The following SAE1 variants were observed in gnomAD, a reference collection of about 807,000 sequenced individuals.
SAE1 encodes the protein SUMO-activating enzyme subunit 1.
A neutral mutation model predicts 40.6 loss-of-function variants in SAE1; 11 were observed. The ratio of observed to expected loss-of-function variants is 0.27; its 90% CI spans 0.17 to 0.45. SAE1 has a LOEUF of 0.45. SAE1 is among the 20% of genes least tolerant of loss of function. The pLI is 1.00. For synonymous variants in SAE1, 155 were observed against 154.3 expected (o/e 1.00, Z -0.03); for missense variants, 373 against 427.3 (o/e 0.87, Z 1.12).
rs974669530 is a variant in SAE1 at position 47,200,096 on chromosome 19, AATTTTTTTTGT to A, written c.878+2727_878+2737del. On this transcript the variant is annotated intron_variant, in intron 7 of 8. Transcript: ENST00000270225. ...CAGGCGCCCGCCACCACGCCCAGCT[AATTTTTTTTGT>A]ATTTTTTAGTAGAGATGTGGTTTCG... 7.5e-4 allele frequency among the ~76,000 whole-genome samples: 114 copies of A among 151,404 alleles called. 1 individual carries two copies. The East Asian group carries it at 0.018, about 24-fold the overall frequency.
chr19:47,162,760 G>A (rs1371352564), intron 5 of SAE1, among the ~76,000 whole-genome samples: 2 of 152,164 alleles, frequency 1.3e-5, no homozygotes, highest in Non-Finnish European at 2.9e-5. Context: ...GGAAGCCAAA[G>A]TGGGCACATC....
intron 1 of SAE1, among the ~76,000 whole-genome samples, chr19:47,136,143 GT>G (rs1013330094): frequency 6.6e-6 from 1 of 151,778 alleles, no homozygotes; most frequent in Non-Finnish European, 1.5e-5. Context: ...ATTTATTGCA[GT>G]TTTTTTTCTT....
Position 47,158,260 on chromosome 19 carries a change from G to A in SAE1, c.627+3047G>A, listed in dbSNP as rs535428640. Among the ~76,000 whole-genome samples, 9 of 152,262 alleles carry A rather than the reference G, an allele frequency of 5.9e-5. 1 individual carries two copies. The South Asian group carries it at 1.7e-3, about 28-fold the overall frequency. Reference sequence around the variant, plus strand: ...CGTTGAAAAACAAAAAGGAAAAACAGCCTGTGGTTTTCACACCCTCTAGGA... The same window carrying A: ...CGTTGAAAAACAAAAAGGAAAAACAACCTGTGGTTTTCACACCCTCTAGGA... On this transcript the variant is annotated intron_variant, in intron 5 of 8. Coordinates refer to ENST00000270225, the MANE Select transcript of SAE1 (RefSeq NM_005500.3).
intron 1 of SAE1, among the ~76,000 whole-genome samples, chr19:47,141,100 T>C (rs1444395063): frequency 6.6e-6 from 1 of 152,048 alleles, no homozygotes; most frequent in Non-Finnish European, 1.5e-5. Context: ...CTCCCAGGTT[T>C]GAGTGATTCT....
rs549746766 is a variant in SAE1, at chr19:47,203,176, G to C, written c.879-495G>C. On this transcript the variant is annotated intron_variant, in intron 7 of 8. Transcript: ENST00000270225. ...GCCCCATCCTGGCCCAGAAGGGCTG[G>C]TTTCTATGTGGGTTGTGAAGACTTT... Among the ~76,000 whole-genome samples the C allele has an allele frequency of 2.5e-4, 38 of 152,276 alleles. 1 individual carries two copies. In the South Asian group the frequency reaches 7.3e-3, roughly 29 times the overall value.
intron 3 of SAE1, among the ~76,000 whole-genome samples, chr19:47,151,189 G>A (rs149040274): frequency 9.3e-5 from 14 of 150,794 alleles, no homozygotes; most frequent in Non-Finnish European, 1.9e-4. Flanking sequence ...TGCTCTTGTC[G>A]CCCAGGCTGG....
intron 6 of SAE1, among the ~76,000 whole-genome samples, chr19:47,170,594 C>A (rs1225214272): frequency 7.0e-6 from 1 of 143,286 alleles, no homozygotes; most frequent in Non-Finnish European, 1.5e-5. Flanking sequence ...GTAGCCTCTA[C>A]TTCCTGGGCT....
chr19:47,195,032 G>A (rs1414348931), intron 6 of SAE1, among the ~76,000 whole-genome samples: 12 of 150,062 alleles, frequency 8.0e-5, no homozygotes, highest in Non-Finnish European at 1.8e-4. Context: ...CGTTACAGAC[G>A]TGAGCCACCA....
At chr19:47,192,072 AAG>A (rs931499181) in intron 6 of SAE1, among the ~76,000 whole-genome samples, 2 of 150,938 alleles carry the variant, frequency 1.3e-5, no homozygotes, top group Admixed American at 6.6e-5. Context: ...AAAAAGAAAA[AAG>A]AGAGAGAAAG....
intron 6 of SAE1, among the ~76,000 whole-genome samples, chr19:47,194,104 CTG>C (rs751590559): frequency 7.3e-4 from 111 of 152,260 alleles, no homozygotes; most frequent in Admixed American, 3.3e-4. Flanking sequence ...GCTTCTAAAA[CTG>C]TGTCCTCCTC....
At chr19:47,207,519 G>T (rs2058692476) in intron 8 of SAE1, among the ~76,000 whole-genome samples, 1 of 152,076 alleles carries the variant, frequency 6.6e-6, no homozygotes, top group African/African-American at 2.4e-5. Context: ...CTGGGTTAAG[G>T]ACCTGTTTGA....
intron 2 of SAE1, among the ~76,000 whole-genome samples, chr19:47,144,827 G>C (rs926872689): frequency 2.0e-5 from 3 of 152,126 alleles, no homozygotes; most frequent in Non-Finnish European, 4.4e-5. Context: ...CTGACATGCT[G>C]TTTGTTTGTT....
intron 6 of SAE1, among the ~76,000 whole-genome samples, chr19:47,182,501 GCACGCAC>G (rs2058515405): frequency 1.1e-4 from 16 of 148,288 alleles, no homozygotes; most frequent in Admixed American, 2.7e-4. Context: ...GTGTGTGCGC[GCACGCAC>G]GCGCGCGCGC....
At chr19:47,131,488 G>A (rs2058142439) in intron 1 of SAE1, among the ~76,000 whole-genome samples, 1 of 152,050 alleles carries the variant, frequency 6.6e-6, no homozygotes, top group Non-Finnish European at 1.5e-5. Context: ...TTACACTCTT[G>A]TGGGAGCTCA....
chr19:47,138,777 A>G (rs560218131), intron 1 of SAE1, among the ~76,000 whole-genome samples: 11 of 152,246 alleles, frequency 7.2e-5, no homozygotes, highest in Admixed American at 2.0e-4. Flanking sequence ...GAGCCAGGCA[A>G]TTGAGACTAG....
intron 7 of SAE1, among the ~76,000 whole-genome samples, chr19:47,201,702 C>T (rs553481917): frequency 1.6e-4 from 24 of 151,956 alleles, no homozygotes; most frequent in Non-Finnish European, 2.9e-5. Context: ...GGCACCATCT[C>T]GGCTCACTGC....
chr19:47,153,494 A>G (rs2058300532), intron 4 of SAE1, among the ~76,000 whole-genome samples: 1 of 152,108 alleles, frequency 6.6e-6, no homozygotes. Flanking sequence ...ATGATACATT[A>G]TTGTAAAACT....
intron 5 of SAE1, among the ~76,000 whole-genome samples, chr19:47,156,563 G>A (rs1300934473): frequency 6.6e-6 from 1 of 151,704 alleles, no homozygotes; most frequent in Non-Finnish European, 1.5e-5. Context: ...GTCTTGCTGT[G>A]TCCAGGCTGG....
rs1415627912 is a variant in SAE1, at chr19:47,196,609, G to A, written c.734-624G>A. Among the ~76,000 whole-genome samples, 61 of 145,740 alleles carry A rather than the reference G, an allele frequency of 4.2e-4. No homozygotes were observed. The Middle Eastern group carries it at 0.013, about 31-fold the overall frequency. ...GAACTCCTGACCTTGTGATCCACCTGCCTCGGCCTCCCAAAGTGCTGGGGT... is the reference window on the plus strand; with the variant it reads ...GAACTCCTGACCTTGTGATCCACCTACCTCGGCCTCCCAAAGTGCTGGGGT... On this transcript the variant is annotated intron_variant, in intron 6 of 8. Coordinates refer to ENST00000270225, the MANE Select transcript of SAE1 (RefSeq NM_005500.3).
Sources: allele counts gnomAD v4.1 joint callset (sites outside exome capture counted in the v4.1 genomes callset), GRCh38; gene constraint gnomAD v4.1.1; transcripts MANE v1.5; gene names NCBI Gene and HGNC (gene_info 2026-07-23, HGNC 2026-07-21).